Variants in SATB2 observed in about 807,000 individuals in gnomAD.
The protein encoded by SATB2 is SATB homeobox 2, also known as DNA-binding protein SATB2.
A neutral mutation model predicts 73.4 loss-of-function variants in SATB2; 1 was observed. The observed-to-expected ratio is 0.01, with a 90% CI of 0.00 to 0.06. The LOEUF (loss-of-function observed/expected upper bound fraction) is 0.06, where lower values mean the gene tolerates loss of function less well. SATB2 is among the 10% of genes least tolerant of loss of function. SATB2 has a pLI of 1.00. For missense variants in SATB2, 459 were observed against 945.8 expected (o/e 0.49, Z 6.75); for synonymous variants, 397 against 367.0 (o/e 1.08, Z -0.93).
rs1545411 is a variant in SATB2, at chr2:199,386,002, A to G, written c.347-4182T>C. Reference sequence around the variant, plus strand: ...GAGACTCTAGCACTGGGACTGCTACATAAGTGCTCCATAAAACTTAAGGGA... The same window carrying G: ...GAGACTCTAGCACTGGGACTGCTACGTAAGTGCTCCATAAAACTTAAGGGA... On this transcript the variant is annotated intron_variant, in intron 3 of 10. Coordinates refer to ENST00000417098, the MANE Select transcript of SATB2 (RefSeq NM_001172509.2). Among the ~76,000 whole-genome samples, 3 of 152,268 alleles carry G rather than the reference A, an allele frequency of 2.0e-5. No individual in the cohort carries two copies. The East Asian group carries it at 5.8e-4, about 29-fold the overall frequency.
intron 10 of SATB2, among the ~76,000 whole-genome samples, chr2:199,290,210 G>A (rs551414686): frequency 6.6e-6 from 1 of 152,356 alleles, no homozygotes; most frequent in Non-Finnish European, 1.5e-5. Flanking sequence ...CGCCTTGGAA[G>A]CCTTCTGAGT....
chr2:199,311,515 A>G (rs988075465), intron 9 of SATB2, among the ~76,000 whole-genome samples: 4 of 152,126 alleles, frequency 2.6e-5, no homozygotes, highest in Non-Finnish European at 5.9e-5. Flanking sequence ...GAGCAGAAAG[A>G]TTGTCAAGAG....
At chr2:199,421,502 T>C (rs1376945566) in intron 3 of SATB2, among the ~76,000 whole-genome samples, 1 of 152,176 alleles carries the variant, frequency 6.6e-6, no homozygotes, top group Non-Finnish European at 1.5e-5. Flanking sequence ...TCCATCCTAC[T>C]GCACACAGCA....
intron 9 of SATB2, 109 bp from the exon 10 acceptor site, chr2:199,309,066 T>C (rs1687521617): frequency 4.2e-6 from 4 of 956,830 alleles, no homozygotes; most frequent in South Asian, 1.4e-5. Flanking sequence ...GTCAAAATTG[T>C]TCCTGCCAAC....
chr2:199,328,645 G>C, intron 8 of SATB2, 53 bp downstream of exon 8: 1 of 1,381,170 alleles, frequency 7.2e-7, no homozygotes, highest in Non-Finnish European at 1.0e-6. Context: ...AACTAGTGAA[G>C]GCAAGATGTT....
In SATB2 at chr2:199,271,887, T is replaced by C. The variant is rs1256156559; in HGVS notation, c.*324A>G. 1 of 386,564 alleles carries C rather than the reference T, an allele frequency of 2.6e-6. No homozygotes were observed. The highest frequency in any genetic ancestry group is 2.1e-5 in the African/African-American group (1 of 48,628). The allele number at this position is 386,564 out of a possible 1,614,324, so 23.9% of individuals were successfully genotyped here. On this transcript the variant is annotated 3_prime_UTR_variant, in exon 11 of 11. Coordinates refer to ENST00000417098, the MANE Select transcript of SATB2 (RefSeq NM_001172509.2). The stretch of plus-strand genomic sequence containing the variant: ...CTTGCCTGATGTAACTTCCGTTAAG[T>C]GCAAGGATAATGAAGGCAGAGTCTC...
intron 2 of SATB2, among the ~76,000 whole-genome samples, chr2:199,433,930 AAG>A (rs1691579138): frequency 6.6e-6 from 1 of 151,972 alleles, no homozygotes; most frequent in Non-Finnish European, 1.5e-5. Context: ...TTACACGTAA[AAG>A]TAATATATTT....
chr2:199,319,767 G>GA (rs916711300), intron 9 of SATB2, among the ~76,000 whole-genome samples: 17 of 139,786 alleles, frequency 1.2e-4, no homozygotes, highest in South Asian at 4.5e-4. Flanking sequence ...TCCTCTCAAA[G>GA]AAAAAAAAAA....
chr2:199,468,518 G>C (rs1207682398), upstream of SATB2, among the ~76,000 whole-genome samples: 1 of 152,194 alleles, frequency 6.6e-6, no homozygotes, highest in Non-Finnish European at 1.5e-5. Flanking sequence ...ATCTTGCAGT[G>C]AGGTATTTGT....
intron 3 of SATB2, among the ~76,000 whole-genome samples, chr2:199,430,592 C>A (rs1228231703): frequency 6.6e-6 from 1 of 152,148 alleles, no homozygotes; most frequent in African/African-American, 2.4e-5. Context: ...TAATATCTAG[C>A]CTTCAAATAA....
Position 199,349,088 on chromosome 2 carries a change from T to C in SATB2, c.786A>G (p.Ala262=). ...ACTGTTCGTTGGTTTTCCCCAGGGA[T>C]GCCAGCTGGTTCATATTTGGTAAAT... ...PMHLPNMNQL[A]SLGKTNEQSP... is the part of the protein sequence containing the mutation. Residue 262 remains alanine (A), a synonymous_variant, in exon 7 of 11, where the codon GCA becomes GCG. Coordinates refer to ENST00000417098, the MANE Select transcript of SATB2 (RefSeq NM_001172509.2). 6.2e-7 allele frequency: 1 copy of C among 1,614,126 alleles called. No homozygotes were observed. The highest frequency in any genetic ancestry group is 1.1e-5 in the South Asian group (1 of 91,072).
At chr2:199,352,784 C>G (rs1249070073) in intron 6 of SATB2, among the ~76,000 whole-genome samples, 1 of 152,046 alleles carries the variant, frequency 6.6e-6, no homozygotes, top group Admixed American at 6.6e-5. Context: ...ATTGTCATTT[C>G]TTTAGATTTT....
chr2:199,379,606 C>G (rs751660913), intron 5 of SATB2, among the ~76,000 whole-genome samples: 2 of 151,856 alleles, frequency 1.3e-5, no homozygotes, highest in Non-Finnish European at 2.9e-5. Flanking sequence ...AAAATGGAGA[C>G]ACTGGTCCCT....
chr2:199,464,406 C>G lies in SATB2; in HGVS notation c.-141+430G>C, dbSNP rs1692549587. Among the ~76,000 whole-genome samples, 1 of 151,564 alleles carries G rather than the reference C, an allele frequency of 6.6e-6. No individual in the cohort carries two copies. Among genetic ancestry groups the G allele is most frequent in the Non-Finnish European group, 1.5e-5 (1 of 68,002 alleles). On this transcript the variant is annotated intron_variant, in intron 1 of 11. Transcript: ENST00000260926. This position sits in a 1 kb window ranked among gnomAD's most constrained non-coding sequence, Gnocchi z 6.6. Reference sequence around the variant, plus strand: ...ATAAATTCAGCTGTTCACATACACCCCCACCACCATTTCCACGCGCGCGCG... The same window carrying G: ...ATAAATTCAGCTGTTCACATACACCGCCACCACCATTTCCACGCGCGCGCG...
At chr2:199,451,047 A>C (rs1399911903) in intron 2 of SATB2, among the ~76,000 whole-genome samples, 3 of 151,542 alleles carry the variant, frequency 2.0e-5, no homozygotes, top group African/African-American at 7.2e-5. Context: ...TATTTTCTGC[A>C]GGGGTTAAAA....
intron 8 of SATB2, among the ~76,000 whole-genome samples, 156 bp from the exon 9 acceptor site, chr2:199,324,114 A>T (rs1269373797): frequency 6.6e-6 from 1 of 152,142 alleles, no homozygotes; most frequent in African/African-American, 2.4e-5. Context: ...GTTAATTGTG[A>T]TTGGAAATAA....
At chr2:199,370,030 A>G (rs1050268243) in intron 5 of SATB2, among the ~76,000 whole-genome samples, 4 of 152,142 alleles carry the variant, frequency 2.6e-5, no homozygotes, top group Admixed American at 2.6e-4. Context: ...CAAAGAGCTA[A>G]TATCATCGGA....
intron 3 of SATB2, among the ~76,000 whole-genome samples, chr2:199,395,335 CATTAAAATTA>C (rs1193036513): frequency 1.3e-5 from 2 of 152,194 alleles, no homozygotes; most frequent in Non-Finnish European, 2.9e-5. Context: ...CCCAATATTA[CATTAAAATTA>C]ATTTGTACCA....
rs1416114350 is a variant in SATB2 at position 199,270,987 on chromosome 2, A to G, written c.*1224T>C. On this transcript the variant is annotated 3_prime_UTR_variant, in exon 11 of 11. Transcript: ENST00000417098. ...GGAAGCCCAAAGTGAAGCAGAAATC[A>G]GAAATGTCTTTTGGGAGAGGGAAGG... 1 of 152,410 alleles carries G rather than the reference A, an allele frequency of 6.6e-6. No homozygotes were observed. The highest frequency in any genetic ancestry group is 2.4e-5 in the African/African-American group (1 of 41,458). The allele number at this position is 152,410 out of a possible 1,614,324, so 9.4% of individuals were successfully genotyped here.
Sources: gnomAD v4.1 joint callset for allele counts (sites outside exome capture counted in the v4.1 genomes callset) on GRCh38, gnomAD v4.1.1 for gene constraint, Gnocchi (gnomAD v3.1) non-coding constraint, MANE v1.5 for transcripts, NCBI Gene and HGNC (gene_info 2026-07-23, HGNC 2026-07-21) for gene names.